The following NFATC2 variants were observed in gnomAD, a reference collection of about 807,000 sequenced individuals.
NFATC2 encodes the protein nuclear factor of activated T-cells, cytoplasmic 2.
A neutral mutation model predicts 87.3 loss-of-function variants in NFATC2; 22 were observed. The observed-to-expected ratio is 0.25, with a 90% CI of 0.18 to 0.36. The LOEUF (loss-of-function observed/expected upper bound fraction) is 0.36, where lower values mean the gene tolerates loss of function less well. Ranked by LOEUF, NFATC2 falls within the 10% of genes least tolerant of loss-of-function variation. The pLI, the probability that NFATC2 is intolerant of heterozygous loss-of-function variation, is 1.00. For missense variants in NFATC2, 1,149 were observed against 1,259.1 expected (o/e 0.91, Z 1.32); for synonymous variants, 565 against 542.2 (o/e 1.04, Z -0.58).
At chr20:51,497,824 A>G (rs2076014741) in intron 3 of NFATC2, among the ~76,000 whole-genome samples, 1 of 152,116 alleles carries the variant, frequency 6.6e-6, no homozygotes, top group Non-Finnish European at 1.5e-5. Context: ...GGGACCCCCA[A>G]TCCCACCAGA....
chr20:51,401,125 G>GGGAGGCCGAAGTGGGTGGATCAC (rs1568930084), intron 9 of NFATC2, among the ~76,000 whole-genome samples: 2 of 152,106 alleles, frequency 1.3e-5, no homozygotes, highest in African/African-American at 4.8e-5. Flanking sequence ...ATCCCAGAAC[G>GGGAGGCCGAAGTGGGTGGATCAC]TTGGGAGGCC....
chr20:51,523,446 G>A lies in NFATC2; in HGVS notation c.795C>T (p.Pro265=), dbSNP rs188481905. Residue 265 remains proline (P), a synonymous_variant, in exon 2 of 11, where the codon CCC becomes CCT. Transcript: ENST00000371564. This position sits in a 1 kb window ranked among gnomAD's most constrained non-coding sequence, Gnocchi z 6.9. Reference sequence around the variant, plus strand: ...TCCGGGAGCGCTGGGGTGAGGCTCCGGGCGGCAGGGCAACCAAGGCCTCGG... The same window carrying A: ...TCCGGGAGCGCTGGGGTGAGGCTCCAGGCGGCAGGGCAACCAAGGCCTCGG... ...SCAEALVALP[P]GASPQRSRSP... 3.7e-6 allele frequency: 6 copies of A among 1,609,132 alleles called. No homozygotes were observed. The highest frequency in any genetic ancestry group is 5.1e-6 in the Non-Finnish European group (6 of 1,177,734).
At chr20:51,449,166 T>C (rs1333124926) in intron 6 of NFATC2, among the ~76,000 whole-genome samples, 1 of 152,200 alleles carries the variant, frequency 6.6e-6, no homozygotes, top group East Asian at 1.9e-4. Context: ...CTTGGAAAAC[T>C]TCAACTGTTC....
chr20:51,394,112 G>A (rs374318748), intron 10 of NFATC2, among the ~76,000 whole-genome samples: 14 of 152,154 alleles, frequency 9.2e-5, no homozygotes, highest in South Asian at 2.1e-4. Flanking sequence ...TTCAACTGCC[G>A]CCCAAACCTC....
intron 10 of NFATC2, among the ~76,000 whole-genome samples, chr20:51,397,033 G>GTA (rs71192525): frequency 6.6e-6 from 1 of 151,580 alleles, no homozygotes; most frequent in Non-Finnish European, 1.5e-5. Flanking sequence ...AACCTCCTAA[G>GTA]GGAACCTGCC....
chr20:51,548,357 A>G (rs2076906465), intron 1 of NFATC2, among the ~76,000 whole-genome samples: 1 of 151,966 alleles, frequency 6.6e-6, no homozygotes, highest in Admixed American at 6.6e-5. Context: ...CATGTTCCTC[A>G]TTGCCCTTTC....
chr20:51,513,127 T>C lies in NFATC2; in HGVS notation c.1332+3657A>G, dbSNP rs76719776. Among the ~76,000 whole-genome samples, 1,275 of 152,360 alleles carry C rather than the reference T, an allele frequency of 8.4e-3. 18 individuals carry two copies. Among genetic ancestry groups the C allele is most frequent in the African/African-American group, 0.029 (1,212 of 41,580 alleles). ...TGACTTTTTAAAAAGACTCCACTTT[T>C]TGTCTTTTAAAGAGACTTGTCTGCA... is the stretch of plus-strand genomic sequence containing the variant. On this transcript the variant is annotated intron_variant, in intron 3 of 10. Coordinates refer to ENST00000371564, the MANE Select transcript of NFATC2 (RefSeq NM_012340.5).
chr20:51,401,521 T>G (rs1988044127), intron 9 of NFATC2, among the ~76,000 whole-genome samples: 1 of 152,216 alleles, frequency 6.6e-6, no homozygotes, highest in African/African-American at 2.4e-5. Context: ...AGTCCATTGA[T>G]CCACGTGAAT....
At chr20:51,394,965 T>C (rs1021405547) in intron 10 of NFATC2, among the ~76,000 whole-genome samples, 1 of 152,228 alleles carries the variant, frequency 6.6e-6, no homozygotes, top group Non-Finnish European at 1.5e-5. Flanking sequence ...CATGGCACCA[T>C]GCACACAGCA....
At chr20:51,520,436 CTTT>C (rs35265197) in intron 2 of NFATC2, among the ~76,000 whole-genome samples, 1 of 139,516 alleles carries the variant, frequency 7.2e-6, no homozygotes, top group East Asian at 2.0e-4. Context: ...TCAGGATTTT[CTTT>C]TTTTTTTTTT....
intron 9 of NFATC2, among the ~76,000 whole-genome samples, chr20:51,402,760 G>C (rs915518028): frequency 6.6e-6 from 1 of 152,222 alleles, no homozygotes; most frequent in Non-Finnish European, 1.5e-5. Flanking sequence ...GCAGGTGGGA[G>C]CAGTAAGAAA....
Position 51,480,377 on chromosome 20 carries a change from G to A in NFATC2, c.1333-4717C>T, listed in dbSNP as rs1450590365. On this transcript the variant is annotated intron_variant, in intron 3 of 10. Coordinates refer to ENST00000371564, the MANE Select transcript of NFATC2 (RefSeq NM_012340.5). This position sits in a 1 kb window ranked among gnomAD's most constrained non-coding sequence, Gnocchi z 4.2. The stretch of plus-strand genomic sequence containing the variant: ...GAAGGGGCACAGAGGGAGATGGAGG[G>A]AGAGAAACAAACAGCAACCTAAACA... 1.3e-5 allele frequency among the ~76,000 whole-genome samples: 2 copies of A among 152,152 alleles called. No homozygotes were observed. Among genetic ancestry groups the A allele is most frequent in the African/African-American group, 2.4e-5 (1 of 41,448 alleles).
At chr20:51,473,158 G>A (rs919580200) in intron 5 of NFATC2, among the ~76,000 whole-genome samples, 2 of 152,076 alleles carry the variant, frequency 1.3e-5, no homozygotes, top group East Asian at 1.9e-4. Context: ...TGGTCACTTC[G>A]TATCAGACTC....
chr20:51,562,754 AG>A, upstream of NFATC2: 1 of 901,010 alleles, frequency 1.1e-6, no homozygotes. This position sits in a 1 kb window ranked among gnomAD's most constrained non-coding sequence, Gnocchi z 5.8. Flanking sequence ...GGAGCCTCGG[AG>A]CGACCCGGGA....
At chr20:51,410,531 T>C (rs1979059242) in intron 9 of NFATC2, among the ~76,000 whole-genome samples, 1 of 151,002 alleles carries the variant, frequency 6.6e-6, no homozygotes, top group Non-Finnish European at 1.5e-5. Context: ...CAATTTATTA[T>C]TTAAAGGAAA....
intron 4 of NFATC2, 114 bp from the exon 5 acceptor site, chr20:51,474,266 A>G: frequency 1.6e-6 from 2 of 1,263,018 alleles, no homozygotes; most frequent in Non-Finnish European, 2.2e-6. Context: ...ATACACTCAC[A>G]TAAGCATTTC....
chr20:51,421,547 A>G (rs1330604033), intron 9 of NFATC2, among the ~76,000 whole-genome samples: 3 of 152,242 alleles, frequency 2.0e-5, no homozygotes, highest in African/African-American at 7.2e-5. Context: ...GTCGGAAGAC[A>G]AAAGGGAATG....
At position 51,389,622 on chromosome 20, in the gene NFATC2, G is replaced by A. The variant is rs1254784048; in HGVS notation, c.*1874C>T. On this transcript the variant is annotated 3_prime_UTR_variant, in exon 11 of 11. Coordinates refer to ENST00000371564, the MANE Select transcript of NFATC2 (RefSeq NM_012340.5). ...TAAACTCTTTGAGCTTAGGGTGGGT[G>A]AGGGAAAGGTCGTTCATTGTCAGGG... 2.0e-5 allele frequency: 3 copies of A among 152,206 alleles called. No individual in the cohort carries two copies. Among genetic ancestry groups the A allele is most frequent in the Non-Finnish European group, 4.4e-5 (3 of 68,040 alleles). The allele number at this position is 152,206 out of a possible 1,614,324, so 9.4% of individuals were successfully genotyped here.
intron 1 of NFATC2, among the ~76,000 whole-genome samples, chr20:51,560,806 C>G (rs2077014445): frequency 6.6e-6 from 1 of 152,208 alleles, no homozygotes. Flanking sequence ...AGCTATTGAA[C>G]ACGCGCACAC....
Sources: gnomAD v4.1 joint callset for allele counts (sites outside exome capture counted in the v4.1 genomes callset) on GRCh38, gnomAD v4.1.1 for gene constraint, Gnocchi (gnomAD v3.1) non-coding constraint, MANE v1.5 for transcripts, NCBI Gene and HGNC (gene_info 2026-07-23, HGNC 2026-07-21) for gene names.